Variants in SPTLC3 observed in about 807,000 individuals in gnomAD.
SPTLC3 encodes the protein serine palmitoyltransferase 3.
SPTLC3 carries 36 observed loss-of-function variants against 59.3 expected under a neutral mutation model. The ratio of observed to expected loss-of-function variants is 0.61; its 90% CI spans 0.47 to 0.80. The LOEUF (loss-of-function observed/expected upper bound fraction) is 0.80. Ranked by LOEUF, SPTLC3 falls within the 30% of genes least tolerant of loss-of-function variation. The pLI, the probability that SPTLC3 is intolerant of heterozygous loss-of-function variation, is 0.00. For missense variants in SPTLC3, 625 were observed against 685.1 expected, an observed-to-expected ratio of 0.91 and a Z score of 0.98; for synonymous variants, 257 against 240.8, an observed-to-expected ratio of 1.07 and a Z score of -0.62.
At chr20:13,112,563 G>T (rs1000638177) in intron 7 of SPTLC3, among the ~76,000 whole-genome samples, 11 of 152,202 alleles carry the variant, frequency 7.2e-5, no homozygotes, top group African/African-American at 1.7e-4. Context: ...TTTGCAGGCA[G>T]CCATCTTTGG....
At chr20:13,135,460 G>A (rs1360922756) in intron 9 of SPTLC3, among the ~76,000 whole-genome samples, 1 of 152,080 alleles carries the variant, frequency 6.6e-6, no homozygotes, top group Non-Finnish European at 1.5e-5. Context: ...TTTGAAAAAA[G>A]ATGATCTGCT....
chr20:13,047,400 T>C (rs558595798), intron 1 of SPTLC3, among the ~76,000 whole-genome samples: 3 of 152,280 alleles, frequency 2.0e-5, no homozygotes, highest in African/African-American at 7.2e-5. Flanking sequence ...TAAATACATA[T>C]ATATGTATAA....
intron 4 of SPTLC3, among the ~76,000 whole-genome samples, chr20:13,081,017 G>T (rs1406404890): frequency 6.6e-6 from 1 of 152,112 alleles, no homozygotes; most frequent in Non-Finnish European, 1.5e-5. Context: ...GGATTAAGTT[G>T]CTTAAACTCA....
Position 13,033,905 on chromosome 20 carries a change from G to A in SPTLC3, c.118-15040G>A, listed in dbSNP as rs115889311. Among the ~76,000 whole-genome samples the A allele has an allele frequency of 1.4e-3, 209 of 152,224 alleles. 1 individual carries two copies. The highest frequency in any genetic ancestry group is 4.8e-3 in the African/African-American group (200 of 41,546). On this transcript the variant is annotated intron_variant, in intron 1 of 11. Coordinates refer to ENST00000399002, the MANE Select transcript of SPTLC3 (RefSeq NM_018327.4). ...GTGTCTTAAGGCAGGCAGAGTGTCT[G>A]TATGTGAGGTGGAGGTGAGGGAGAG...
intron 8 of SPTLC3, among the ~76,000 whole-genome samples, chr20:13,121,085 C>G (rs2037855464): frequency 6.6e-6 from 1 of 152,196 alleles, no homozygotes; most frequent in Non-Finnish European, 1.5e-5. Context: ...TGTATTGATC[C>G]TGTTGCTGGG....
chr20:13,148,384 C>T (rs2038564094), intron 9 of SPTLC3, among the ~76,000 whole-genome samples: 1 of 152,136 alleles, frequency 6.6e-6, no homozygotes, highest in South Asian at 2.1e-4. Flanking sequence ...AGGTCATCAG[C>T]CAAGATAGGT....
chr20:13,160,096 T>C lies in SPTLC3; in HGVS notation c.1509T>C (p.Cys503=), dbSNP rs368831611. 451 of 1,613,870 alleles carry C rather than the reference T, an allele frequency of 2.8e-4. No homozygotes were observed. The highest frequency in any genetic ancestry group is 3.6e-4 in the Non-Finnish European group (430 of 1,179,956). Reference sequence around the variant, plus strand: ...TCGCAGAAGCTCGGGCTCGGTTTTGTGTTTCAGCGGCACATACCCGGGAGA... The same window carrying C: ...TCGCAGAAGCTCGGGCTCGGTTTTGCGTTTCAGCGGCACATACCCGGGAGA... ...TPLAEARARF[C]VSAAHTREML... is the part of the protein sequence containing the mutation. Residue 503 remains cysteine (C), a synonymous_variant, in exon 11 of 12, where the codon TGT becomes TGC. Coordinates refer to ENST00000399002, the MANE Select transcript of SPTLC3 (RefSeq NM_018327.4).
chr20:13,140,118 G>A (rs1184088869), intron 9 of SPTLC3, among the ~76,000 whole-genome samples: 1 of 152,184 alleles, frequency 6.6e-6, no homozygotes, highest in Non-Finnish European at 1.5e-5. Context: ...AGTAGCTCTG[G>A]AAGTCATGCC....
chr20:13,152,738 A>G (rs1191436901), intron 9 of SPTLC3, among the ~76,000 whole-genome samples: 1 of 152,212 alleles, frequency 6.6e-6, no homozygotes, highest in Admixed American at 6.5e-5. Context: ...GAAAAGAGGA[A>G]GGGCAGGGCC....
At chr20:13,087,630 A>C (rs750353086) in intron 4 of SPTLC3, among the ~76,000 whole-genome samples, 6 of 152,200 alleles carry the variant, frequency 3.9e-5, no homozygotes, top group Non-Finnish European at 5.9e-5. Context: ...ACTGTGGCAG[A>C]CACTGTGGTT....
intron 1 of SPTLC3, among the ~76,000 whole-genome samples, chr20:13,032,832 G>T (rs1795412027): frequency 6.6e-6 from 1 of 152,160 alleles, no homozygotes; most frequent in Non-Finnish European, 1.5e-5. Context: ...TTCTCAGGTG[G>T]TGAATGGGAA....
intron 1 of SPTLC3, among the ~76,000 whole-genome samples, chr20:13,010,185 G>A (rs1013817402): frequency 6.6e-6 from 1 of 152,020 alleles, no homozygotes; most frequent in Non-Finnish European, 1.5e-5. Flanking sequence ...CTCCCCACAG[G>A]ACATCCCGTG....
In SPTLC3 at chr20:13,164,739, G is replaced by A; in HGVS notation, c.1546-15G>A. The A allele has an allele frequency of 6.2e-7, 1 of 1,603,194 alleles. No homozygotes were observed. Among genetic ancestry groups the A allele is most frequent in the South Asian group, 1.1e-5 (1 of 89,924 alleles). On this transcript the variant is annotated splice_polypyrimidine_tract_variant and intron_variant, in intron 11 of 11. Coordinates refer to ENST00000399002, the MANE Select transcript of SPTLC3 (RefSeq NM_018327.4). ...GGTGTTCAATGATAGCTATTGGAAA[G>A]CAATCTCATTGCAGGTTTTAGAAGC...
intron 2 of SPTLC3, among the ~76,000 whole-genome samples, chr20:13,064,419 G>A (rs947575571): frequency 4.0e-5 from 6 of 151,832 alleles, no homozygotes; most frequent in Admixed American, 2.0e-4. Flanking sequence ...TCAACCCCCC[G>A]AGTAGCTGAA....
In SPTLC3 at chr20:13,059,483, C is replaced by T. The variant is rs112958784; in HGVS notation, c.303+10353C>T. Among the ~76,000 whole-genome samples, 62 of 152,322 alleles carry T rather than the reference C, an allele frequency of 4.1e-4. 2 individuals carry two copies. The highest frequency in any genetic ancestry group is 3.3e-3 in the South Asian group (16 of 4,824). ...ACCACCTGCATTCAGGTGCAGGCAG[C>T]GCCATCCCTTGAAACCTCCAGGTGT... On this transcript the variant is annotated intron_variant, in intron 2 of 11. Coordinates refer to ENST00000399002, the MANE Select transcript of SPTLC3 (RefSeq NM_018327.4).
At chr20:13,036,942 T>C (rs1051683501) in intron 1 of SPTLC3, among the ~76,000 whole-genome samples, 1 of 152,178 alleles carries the variant, frequency 6.6e-6, no homozygotes, top group Admixed American at 6.6e-5. Context: ...TATTCTCTCA[T>C]AGCAAGTCTA....
chr20:13,138,283 A>G (rs906866009), intron 9 of SPTLC3, among the ~76,000 whole-genome samples: 1 of 152,130 alleles, frequency 6.6e-6, no homozygotes, highest in African/African-American at 2.4e-5. Context: ...CTTTGGCCAC[A>G]TCTCCTCAAC....
At chr20:13,080,003 G>T in intron 4 of SPTLC3, 1 of 253,110 alleles carries the variant, frequency 4.0e-6, no homozygotes. Flanking sequence ...GAAACCTGAA[G>T]GGAAAAGATT....
intron 4 of SPTLC3, among the ~76,000 whole-genome samples, chr20:13,086,507 C>T (rs1376477654): frequency 6.6e-6 from 1 of 152,144 alleles, no homozygotes; most frequent in Middle Eastern, 3.2e-3. Context: ...GCTATGAACA[C>T]CAAACAGAGA....
Sources: allele counts gnomAD v4.1 joint callset (sites outside exome capture counted in the v4.1 genomes callset), GRCh38; gene constraint gnomAD v4.1.1; transcripts MANE v1.5; gene names NCBI Gene and HGNC (gene_info 2026-07-23, HGNC 2026-07-21).